Variants in KALRN observed in about 807,000 individuals in gnomAD.
KALRN encodes the protein kalirin RhoGEF kinase.
In KALRN, 70 loss-of-function variants were observed where a neutral mutation model predicts 353.7. The observed-to-expected ratio is 0.20, with a 90% CI of 0.16 to 0.24. The LOEUF is 0.24. Among genes scored for constraint, KALRN ranks in the 10% least tolerant of loss-of-function variants. KALRN has a pLI of 1.00. For missense variants in KALRN, 2,791 were observed against 3,756.7 expected, an observed-to-expected ratio of 0.74 and a Z score of 6.72; for synonymous variants, 1,391 against 1,434.8, an observed-to-expected ratio of 0.97 and a Z score of 0.69.
chr3:124,584,922 C>A (rs765333286), intron 34 of KALRN: 9 of 1,545,440 alleles, frequency 5.8e-6, no homozygotes, highest in Admixed American at 3.7e-5. Context: ...TGGCTGTCGG[C>A]GGCCTTGGTG....
intron 37 of KALRN, among the ~76,000 whole-genome samples, chr3:124,648,646 G>A (rs542188278): frequency 5.9e-5 from 9 of 152,328 alleles, no homozygotes; most frequent in African/African-American, 1.4e-4. Context: ...TTTCCCAGGC[G>A]TTGCAGTCAC....
At chr3:124,199,850 T>C (rs1161907799) in intron 1 of KALRN, among the ~76,000 whole-genome samples, 1 of 152,228 alleles carries the variant, frequency 6.6e-6, no homozygotes, top group Non-Finnish European at 1.5e-5. Flanking sequence ...AGATGGCCAC[T>C]GGAAGGCATC....
chr3:124,271,396 G>A (rs1421883923), intron 5 of KALRN, among the ~76,000 whole-genome samples: 1 of 152,218 alleles, frequency 6.6e-6, no homozygotes, highest in Non-Finnish European at 1.5e-5. Flanking sequence ...GCATACCATA[G>A]CTCCAGAAGT....
chr3:124,688,413 A>G (rs1477043252), intron 51 of KALRN, among the ~76,000 whole-genome samples: 1 of 152,132 alleles, frequency 6.6e-6, no homozygotes, highest in East Asian at 1.9e-4. Context: ...TAAACCTTCA[A>G]ACCCTACTAT....
At chr3:124,220,869 C>T (rs968940970) in intron 1 of KALRN, among the ~76,000 whole-genome samples, 1 of 152,196 alleles carries the variant, frequency 6.6e-6, no homozygotes, top group Non-Finnish European at 1.5e-5. Context: ...CAAGTCCCAA[C>T]CTCCCCGTAT....
chr3:124,642,684 A>G (rs1398954376), intron 37 of KALRN, among the ~76,000 whole-genome samples: 4 of 152,108 alleles, frequency 2.6e-5, no homozygotes, highest in Non-Finnish European at 5.9e-5. Flanking sequence ...GGGTGGAGTT[A>G]GCAAAAGTTC....
intron 50 of KALRN, 144 bp from the exon 51 acceptor site, chr3:124,679,314 C>T: frequency 1.5e-6 from 1 of 669,130 alleles, no homozygotes; most frequent in Non-Finnish European, 2.6e-6. Flanking sequence ...TGATTCTCAC[C>T]CCCACTTTAA....
intron 5 of KALRN, among the ~76,000 whole-genome samples, chr3:124,274,180 G>A (rs1222211551): frequency 6.6e-6 from 1 of 152,192 alleles, no homozygotes; most frequent in Non-Finnish European, 1.5e-5. Flanking sequence ...TCTAATGCTA[G>A]AACTAGAAGC....
chr3:124,129,646 G>A (rs1249994410), intron 1 of KALRN, among the ~76,000 whole-genome samples: 1 of 152,152 alleles, frequency 6.6e-6, no homozygotes, highest in Non-Finnish European at 1.5e-5. Context: ...GATAGAGCTT[G>A]GTCTTCTGTT....
In KALRN at chr3:124,033,835, G is replaced by A. The variant is rs1202665534; in HGVS notation, c.73+22G>A. On this transcript the variant is annotated intron_variant, in intron 1 of 59. Transcript: ENST00000682506. This position sits in a 1 kb window ranked among gnomAD's most constrained non-coding sequence, Gnocchi z 6.2. ...ACAGGTAAGCCGGGCAGGGCGCGGGGGGCCAGGGCTGAAGGCTACTGCCTC... is the reference window on the plus strand; with the variant it reads ...ACAGGTAAGCCGGGCAGGGCGCGGGAGGCCAGGGCTGAAGGCTACTGCCTC... Among the ~76,000 whole-genome samples, 1 of 152,204 alleles carries A rather than the reference G, an allele frequency of 6.6e-6. No individual in the cohort carries two copies. The highest frequency in any genetic ancestry group is 1.5e-5 in the Non-Finnish European group (1 of 68,040).
At chr3:124,562,618 T>C (rs903232689) in intron 33 of KALRN, 1 of 355,836 alleles carries the variant, frequency 2.8e-6, no homozygotes, top group Non-Finnish European at 5.5e-6. Context: ...AATAGCACTG[T>C]GCTAATTACA....
chr3:124,463,722 A>G (rs1192291585), intron 25 of KALRN, among the ~76,000 whole-genome samples: 1 of 152,218 alleles, frequency 6.6e-6, no homozygotes, highest in Non-Finnish European at 1.5e-5. Flanking sequence ...GCAAGCAAGA[A>G]TTGGGTGTAA....
rs776598696 is a variant in KALRN at position 124,413,603 on chromosome 3, C to G, written c.2480C>G (p.Thr827Ser). The G allele has an allele frequency of 5.0e-6, 8 of 1,614,092 alleles. No individual in the cohort carries two copies. The highest frequency in any genetic ancestry group is 5.9e-6 in the Non-Finnish European group (7 of 1,180,010). Residue 827 changes from threonine to serine, a missense_variant, in exon 14 of 60, where the codon ACC (threonine) becomes AGC (serine). Physicochemically the swap from Thr to Ser is moderately conservative, Grantham distance 58. Transcript: ENST00000682506. ...TERKLAMNNM[T>S]FEVIQQGQDL... The stretch of plus-strand genomic sequence containing the variant: ...CGGAAGCTAGCCATGAACAACATGA[C>G]CTTTGAGGTTATCCAGCAGGGACAG...
chr3:124,300,538 A>T (rs2149226698), intron 6 of KALRN, among the ~76,000 whole-genome samples: 1 of 152,320 alleles, frequency 6.6e-6, no homozygotes, highest in Middle Eastern at 3.4e-3. Context: ...TGGCTCTGAA[A>T]CTTTCCAACT....
chr3:124,567,141 A>T (rs1000672350), intron 34 of KALRN, among the ~76,000 whole-genome samples: 4 of 152,184 alleles, frequency 2.6e-5, no homozygotes, highest in African/African-American at 4.8e-5. Context: ...CCTAGAACAA[A>T]TGGAATCAGA....
At chr3:124,457,680 T>A (rs536591) in intron 23 of KALRN, among the ~76,000 whole-genome samples, 150,701 of 152,312 alleles carry the variant, frequency 0.99, 74,567 homozygotes, top group East Asian at 1. Flanking sequence ...ATATAATAAG[T>A]CTTAGAAAAG....
chr3:124,544,308 C>G (rs999977320), intron 33 of KALRN, among the ~76,000 whole-genome samples: 1 of 152,158 alleles, frequency 6.6e-6, no homozygotes, highest in Non-Finnish European at 1.5e-5. Context: ...TGCCTGTAAT[C>G]CCAGCACTAT....
At chr3:124,285,750 G>T (rs1361116361) in intron 5 of KALRN, among the ~76,000 whole-genome samples, 3 of 152,138 alleles carry the variant, frequency 2.0e-5, no homozygotes, top group African/African-American at 7.2e-5. Flanking sequence ...CGGCCAGGCT[G>T]GTCTTGAACT....
intron 10 of KALRN, among the ~76,000 whole-genome samples, chr3:124,349,521 T>C (rs1560640162): frequency 6.6e-6 from 1 of 152,154 alleles, no homozygotes; most frequent in Admixed American, 6.5e-5. Context: ...CTTCTTCCAA[T>C]GTGGCCCAGG....
Sources: gnomAD v4.1 joint callset for allele counts (sites outside exome capture counted in the v4.1 genomes callset) on GRCh38, gnomAD v4.1.1 for gene constraint, Gnocchi (gnomAD v3.1) non-coding constraint, MANE v1.5 for transcripts, NCBI Gene and HGNC (gene_info 2026-07-23, HGNC 2026-07-21) for gene names.